Variants in KIAA0825 observed in about 807,000 individuals in gnomAD.
The protein encoded by KIAA0825 is uncharacterized protein KIAA0825.
KIAA0825 carries 119 observed loss-of-function variants against 147.6 expected under a neutral mutation model. That is an observed-to-expected ratio of 0.81 (90% CI 0.69 to 0.94). KIAA0825 has a LOEUF of 0.94. KIAA0825 is among the 40% of genes least tolerant of loss of function. The pLI, the probability that KIAA0825 is intolerant of heterozygous loss-of-function variation, is 0.00. For synonymous variants in KIAA0825, 470 were observed against 518.1 expected (o/e 0.91, Z 1.26); for missense variants, 1,381 against 1,472.7 (o/e 0.94, Z 1.02).
intron 11 of KIAA0825, among the ~76,000 whole-genome samples, chr5:94,464,064 CAA>C (rs11364703): frequency 0.084 from 7,629 of 90,626 alleles, 227 homozygotes; most frequent in African/African-American, 0.16. Flanking sequence ...TTCCTCCTGC[CAA>C]AAAAAAAAAA....
At chr5:94,403,237 G>A (rs1751624101) in intron 16 of KIAA0825, among the ~76,000 whole-genome samples, 1 of 151,404 alleles carries the variant, frequency 6.6e-6, no homozygotes. Flanking sequence ...AATTTCTCTA[G>A]AGTATGGATT....
At chr5:94,433,119 C>T (rs1755906802) in intron 14 of KIAA0825, among the ~76,000 whole-genome samples, 1 of 152,186 alleles carries the variant, frequency 6.6e-6, no homozygotes, top group Admixed American at 6.5e-5. Context: ...CTGCAAGCTC[C>T]ACCTTCCGGG....
At chr5:94,339,725 C>A (rs1782173016) in intron 20 of KIAA0825, among the ~76,000 whole-genome samples, 1 of 152,130 alleles carries the variant, frequency 6.6e-6, no homozygotes, top group African/African-American at 2.4e-5. Context: ...CAGTTTGGCC[C>A]ACATTTTTTG....
At chr5:94,283,725 T>G (rs1777555430) in intron 20 of KIAA0825, among the ~76,000 whole-genome samples, 1 of 152,176 alleles carries the variant, frequency 6.6e-6, no homozygotes, top group South Asian at 2.1e-4. Flanking sequence ...GTCCAATTAG[T>G]ATTTTAAAAC....
intron 6 of KIAA0825, among the ~76,000 whole-genome samples, chr5:94,484,153 T>G (rs899307329): frequency 6.6e-6 from 1 of 151,800 alleles, no homozygotes; most frequent in African/African-American, 2.4e-5. Flanking sequence ...TTGTTAAGAC[T>G]AAACTAAAAA....
chr5:94,590,491 G>A (rs1414900132), intron 1 of KIAA0825, among the ~76,000 whole-genome samples: 1 of 152,168 alleles, frequency 6.6e-6, no homozygotes, highest in Admixed American at 6.5e-5. Context: ...GGAAACAGTG[G>A]CATTATCATG....
intron 14 of KIAA0825, among the ~76,000 whole-genome samples, chr5:94,420,849 G>A (rs1754094143): frequency 2.0e-5 from 3 of 152,132 alleles, no homozygotes; most frequent in African/African-American, 4.8e-5. Context: ...CATCTCTTGA[G>A]TATTTTGTGA....
chr5:94,580,964 C>A (rs898773613), intron 2 of KIAA0825, among the ~76,000 whole-genome samples: 1 of 136,450 alleles, frequency 7.3e-6, no homozygotes, highest in Non-Finnish European at 1.5e-5. Flanking sequence ...CTTTCTATGA[C>A]AAGTGTTACT....
At chr5:94,328,907 A>T (rs180695463) in intron 20 of KIAA0825, among the ~76,000 whole-genome samples, 47 of 152,242 alleles carry the variant, frequency 3.1e-4, no homozygotes, top group African/African-American at 9.9e-4. Flanking sequence ...TTCAAATATG[A>T]CTACACATGT....
rs1181037304 is a variant in KIAA0825, at chr5:94,595,413, C to G, written c.-152-12830G>C. Among the ~76,000 whole-genome samples, 3 of 152,200 alleles carry G rather than the reference C, an allele frequency of 2.0e-5. No individual in the cohort carries two copies. In the East Asian group the frequency reaches 5.8e-4, roughly 29 times the overall value. On this transcript the variant is annotated intron_variant, in intron 1 of 20. Transcript: ENST00000682413. ...AACGGCCTGAGCTGTACGTTGCTCC[C>G]TTTTAGCCACAGCTGGCATACAGGG...
chr5:94,576,320 T>C (rs1781031831), intron 2 of KIAA0825, among the ~76,000 whole-genome samples: 1 of 152,190 alleles, frequency 6.6e-6, no homozygotes. Context: ...ATCCTCAATG[T>C]GGCAGTATTG....
At chr5:94,174,016 C>T (rs1206487751) in intron 20 of KIAA0825, among the ~76,000 whole-genome samples, 2 of 152,158 alleles carry the variant, frequency 1.3e-5, no homozygotes, top group African/African-American at 2.4e-5. Flanking sequence ...GAATACATCA[C>T]GTATCCAGAC....
intron 18 of KIAA0825, among the ~76,000 whole-genome samples, chr5:94,389,435 T>C (rs951792473): frequency 3.3e-5 from 5 of 152,152 alleles, no homozygotes; most frequent in Non-Finnish European, 7.4e-5. Flanking sequence ...GATAGGGGTG[T>C]GGCACAACAT....
At chr5:94,538,543 C>A (rs12332334) in intron 2 of KIAA0825, among the ~76,000 whole-genome samples, 1 of 152,136 alleles carries the variant, frequency 6.6e-6, no homozygotes, top group Non-Finnish European at 1.5e-5. Flanking sequence ...ATGCCATGAA[C>A]GGAGATCACT....
intron 2 of KIAA0825, among the ~76,000 whole-genome samples, chr5:94,538,989 TGGAC>T (rs1772705279): frequency 6.6e-6 from 1 of 152,212 alleles, no homozygotes; most frequent in Admixed American, 6.5e-5. Context: ...TGAGACCTAC[TGGAC>T]TTCATTCCCA....
chr5:94,378,980 G>A (rs916088749), intron 20 of KIAA0825, among the ~76,000 whole-genome samples: 1 of 152,098 alleles, frequency 6.6e-6, no homozygotes, highest in Non-Finnish European at 1.5e-5. Flanking sequence ...ATTTGTTTAA[G>A]TTCCTTTTAG....
intron 10 of KIAA0825, 119 bp from the exon 11 acceptor site, chr5:94,465,178 A>G (rs1275174805): frequency 2.5e-6 from 2 of 801,376 alleles, no homozygotes; most frequent in Non-Finnish European, 3.8e-6. Context: ...GACACACTAG[A>G]AGACCAACAA....
At chr5:94,315,552 C>T (rs1011739893) in intron 20 of KIAA0825, among the ~76,000 whole-genome samples, 5 of 151,470 alleles carry the variant, frequency 3.3e-5, no homozygotes, top group African/African-American at 9.7e-5. Context: ...GTTTTATAGT[C>T]CACTATCATC....
chr5:94,393,024 A>G (rs552242110), intron 17 of KIAA0825, among the ~76,000 whole-genome samples: 43 of 152,162 alleles, frequency 2.8e-4, no homozygotes, highest in African/African-American at 1.0e-3. Context: ...AGAGGCTGAC[A>G]TTGAAAAAGT....
Sources: gnomAD v4.1 joint callset for allele counts (sites outside exome capture counted in the v4.1 genomes callset) on GRCh38, gnomAD v4.1.1 for gene constraint, MANE v1.5 for transcripts, NCBI Gene and HGNC (gene_info 2026-07-23, HGNC 2026-07-21) for gene names.